The following SMAP1 variants were observed in gnomAD, a reference collection of about 807,000 sequenced individuals.
SMAP1 encodes the protein stromal membrane-associated protein 1.
SMAP1 carries 24 observed loss-of-function variants against 58.5 expected under a neutral mutation model. The ratio of observed to expected loss-of-function variants is 0.41; its 90% confidence interval spans 0.30 to 0.58. SMAP1 has a LOEUF of 0.58. SMAP1 is among the 20% of genes least tolerant of loss of function. The pLI, the probability that SMAP1 is intolerant of heterozygous loss-of-function variation, is 0.29. For synonymous variants in SMAP1, 216 were observed against 196.6 expected (o/e 1.10, Z -0.82); for missense variants, 563 against 566.3 (o/e 0.99, Z 0.06).
intron 5 of SMAP1, among the ~76,000 whole-genome samples, chr6:70,796,907 T>C (rs1339970844): frequency 6.6e-6 from 1 of 152,168 alleles, no homozygotes; most frequent in African/African-American, 2.4e-5. Context: ...GCCTGATATA[T>C]AAACTGTTCA....
At chr6:70,845,783 T>C (rs1582300004) in intron 7 of SMAP1, among the ~76,000 whole-genome samples, 1 of 152,124 alleles carries the variant, frequency 6.6e-6, no homozygotes, top group Non-Finnish European at 1.5e-5. Context: ...AGGTAGCAGG[T>C]AGAATAGTCC....
In SMAP1 at chr6:70,803,927, G is replaced by A. The variant is rs1340058902; in HGVS notation, c.576+5190G>A. Among the ~76,000 whole-genome samples the A allele has an allele frequency of 6.6e-5, 10 of 152,232 alleles. No individual in the cohort carries two copies. In the East Asian group the frequency reaches 1.7e-3, roughly 26 times the overall value. On this transcript the variant is annotated intron_variant, in intron 6 of 10. Coordinates refer to ENST00000370455, the MANE Select transcript of SMAP1 (RefSeq NM_001044305.3). ...TACTTCCAATTATGTGTCAATTTTAGAATAAGTGTGATGTGCTGAGAAGAA... is the reference window on the plus strand; with the variant it reads ...TACTTCCAATTATGTGTCAATTTTAAAATAAGTGTGATGTGCTGAGAAGAA...
intron 6 of SMAP1, among the ~76,000 whole-genome samples, chr6:70,825,039 C>T (rs1770054818): frequency 6.6e-6 from 1 of 152,188 alleles, no homozygotes; most frequent in African/African-American, 2.4e-5. Flanking sequence ...ATCTTGTATT[C>T]ACTTGCAGTC....
At chr6:70,777,760 T>G (rs1168045337) in intron 4 of SMAP1, among the ~76,000 whole-genome samples, 1 of 151,842 alleles carries the variant, frequency 6.6e-6, no homozygotes, top group Non-Finnish European at 1.5e-5. Flanking sequence ...TTATTAAGTT[T>G]TTTTTTTTTT....
chr6:70,700,253 A>G (rs893371676), intron 1 of SMAP1, among the ~76,000 whole-genome samples: 3 of 152,224 alleles, frequency 2.0e-5, no homozygotes, highest in Admixed American at 6.5e-5. Flanking sequence ...GCAGAAGCCA[A>G]GCACATGCTG....
rs759772512 is a variant in SMAP1, at chr6:70,859,965, ATTT to A, written c.1270-228_1270-226del. The A allele has an allele frequency of 7.9e-6, 3 of 380,352 alleles. No individual in the cohort carries two copies. The South Asian group carries it at 1.9e-4, about 24-fold the overall frequency. 23.6% of individuals were successfully genotyped at this position (380,352 alleles called of 1,614,324 possible). A position where few individuals can be genotyped will look rare whatever the true frequency, so the allele number is the denominator to read the frequency against. ...ATTAAAATCCCAAGATTGCTTTGGT[ATTT>A]TTTTTTAAGTAAGTTGTGGTTAATC... is the stretch of plus-strand genomic sequence containing the variant. On this transcript the variant is annotated intron_variant, in intron 10 of 10. Coordinates refer to ENST00000370455, the MANE Select transcript of SMAP1 (RefSeq NM_001044305.3).
chr6:70,721,396 C>T (rs776653631), intron 1 of SMAP1, among the ~76,000 whole-genome samples: 1 of 152,212 alleles, frequency 6.6e-6, no homozygotes, highest in Non-Finnish European at 1.5e-5. Flanking sequence ...ACAAGTTCCT[C>T]ATCTCCATCT....
chr6:70,801,324 G>A (rs1018770722), intron 6 of SMAP1, among the ~76,000 whole-genome samples: 6 of 152,144 alleles, frequency 3.9e-5, no homozygotes, highest in African/African-American at 1.4e-4. Context: ...CTTCTTTTGA[G>A]AAGTGTCTGT....
At position 70,692,649 on chromosome 6, in the gene SMAP1, CCCAGTA is replaced by C. The variant is rs1318355418; in HGVS notation, c.118+24512_118+24517del. On this transcript the variant is annotated intron_variant, in intron 1 of 10. Transcript: ENST00000370455. ...CTTCTGCATATTTATATCCAGTTTT[CCCAGTA>C]CCATTTACTGGAGAGACTGCTCTTT... Among the ~76,000 whole-genome samples the C allele has an allele frequency of 1.2e-3, 188 of 152,322 alleles. 3 individuals carry two copies. Among genetic ancestry groups the C allele is most frequent in the Non-Finnish European group, 1.5e-4 (10 of 68,020 alleles).
At chr6:70,814,397 A>G (rs1026074223) in intron 6 of SMAP1, among the ~76,000 whole-genome samples, 1 of 152,210 alleles carries the variant, frequency 6.6e-6, no homozygotes, top group African/African-American at 2.4e-5. Context: ...TCTGATGAGA[A>G]CATTGATAGC....
intron 5 of SMAP1, among the ~76,000 whole-genome samples, chr6:70,797,714 A>G (rs571663998): frequency 7.2e-5 from 11 of 152,282 alleles, no homozygotes; most frequent in African/African-American, 2.6e-4. Flanking sequence ...TTTTAAAGGC[A>G]TAGGTACAAA....
At chr6:70,730,461 A>G (rs1450524624) in intron 1 of SMAP1, among the ~76,000 whole-genome samples, 1 of 152,256 alleles carries the variant, frequency 6.6e-6, no homozygotes, top group African/African-American at 2.4e-5. Context: ...TGTAAGCTTC[A>G]AAACAGATAG....
At chr6:70,765,936 C>T (rs887728722) in intron 3 of SMAP1, among the ~76,000 whole-genome samples, 3 of 145,638 alleles carry the variant, frequency 2.1e-5, no homozygotes, top group African/African-American at 7.6e-5. Context: ...TGATGTTCCC[C>T]TTCCTGTGTC....
chr6:70,700,659 G>A (rs1397582819), intron 1 of SMAP1, among the ~76,000 whole-genome samples: 3 of 152,178 alleles, frequency 2.0e-5, no homozygotes, highest in South Asian at 2.1e-4. Context: ...ACAGAAGAAC[G>A]ACCTAATACA....
At chr6:70,804,223 C>A (rs1487781898) in intron 6 of SMAP1, among the ~76,000 whole-genome samples, 4 of 151,916 alleles carry the variant, frequency 2.6e-5, no homozygotes, top group Non-Finnish European at 4.4e-5. Context: ...TGAATTGATC[C>A]CTTTACCGTT....
intron 1 of SMAP1, among the ~76,000 whole-genome samples, chr6:70,672,937 T>C (rs571108986): frequency 3.3e-5 from 5 of 151,878 alleles, no homozygotes; most frequent in African/African-American, 1.2e-4. Flanking sequence ...CTAGATAAGC[T>C]TTCTTTAAGC....
chr6:70,757,031 A>G (rs1269404725), intron 3 of SMAP1, among the ~76,000 whole-genome samples: 2 of 152,208 alleles, frequency 1.3e-5, no homozygotes, highest in Admixed American at 1.3e-4. Context: ...TAAAGTTCAT[A>G]TGGAACCAAA....
chr6:70,777,482 G>T (rs771050363), intron 4 of SMAP1, among the ~76,000 whole-genome samples: 1 of 151,944 alleles, frequency 6.6e-6, no homozygotes, highest in Non-Finnish European at 1.5e-5. Flanking sequence ...CGAGTTGTTC[G>T]AGTTCCTTGT....
chr6:70,740,817 G>C (rs962436006), intron 2 of SMAP1, among the ~76,000 whole-genome samples: 4 of 152,158 alleles, frequency 2.6e-5, no homozygotes, highest in Non-Finnish European at 4.4e-5. Context: ...AGAAAAAGAG[G>C]TTTAATGGAC....
Sources: allele counts gnomAD v4.1 joint callset (sites outside exome capture counted in the v4.1 genomes callset), GRCh38; gene constraint gnomAD v4.1.1; transcripts MANE v1.5; gene names NCBI Gene and HGNC (gene_info 2026-07-23, HGNC 2026-07-21).